Variants in EFCAB5 observed in about 807,000 individuals in gnomAD.
EFCAB5 encodes EF-hand calcium-binding domain-containing protein 5.
Under a neutral mutation model 167.9 loss-of-function variants are expected in EFCAB5, and 131 were observed. The observed-to-expected ratio is 0.78, with a 90% CI of 0.68 to 0.90. The LOEUF (loss-of-function observed/expected upper bound fraction) is 0.90, where lower values mean the gene tolerates loss of function less well. EFCAB5 is among the 40% of genes least tolerant of loss of function. The pLI, the probability that EFCAB5 is intolerant of heterozygous loss-of-function variation, is 0.00. For missense variants in EFCAB5, 1,663 were observed against 1,745.2 expected (o/e 0.95, Z 0.84); for synonymous variants, 574 against 602.8 (o/e 0.95, Z 0.70).
rs191083762 is a variant in EFCAB5 at position 30,026,033 on chromosome 17, G to C, written c.1045-8197G>C. 6.5e-3 allele frequency among the ~76,000 whole-genome samples: 990 copies of C among 151,942 alleles called. 8 individuals carry two copies. The highest frequency in any genetic ancestry group is 0.022 in the African/African-American group (927 of 41,408). ...GGGGATTGTTGTGGGGTGGGCGGAG[G>C]GGGGAGGGATAGCATTAGGAGATAT... On this transcript the variant is annotated intron_variant, in intron 7 of 22. Coordinates refer to ENST00000394835, the MANE Select transcript of EFCAB5 (RefSeq NM_198529.4).
At chr17:29,955,601 A>C (rs1387105013) in intron 3 of EFCAB5, among the ~76,000 whole-genome samples, 1 of 152,170 alleles carries the variant, frequency 6.6e-6, no homozygotes, top group Non-Finnish European at 1.5e-5. Flanking sequence ...AGAGCAGACT[A>C]ATACACCAAG....
intron 22 of EFCAB5, among the ~76,000 whole-genome samples, chr17:30,100,156 C>T (rs2071361740): frequency 6.6e-6 from 1 of 152,092 alleles, no homozygotes; most frequent in South Asian, 2.1e-4. Flanking sequence ...TCTTCATCTG[C>T]TTTATATTTT....
intron 1 of EFCAB5, among the ~76,000 whole-genome samples, chr17:29,932,749 C>T (rs1197028877): frequency 6.6e-6 from 1 of 152,124 alleles, no homozygotes; most frequent in African/African-American, 2.4e-5. Flanking sequence ...TGAGCCCCCG[C>T]ACCCGGCCAT....
In EFCAB5 at chr17:30,055,929, C is replaced by T. The variant is rs1391407383; in HGVS notation, c.2236C>T (p.Pro746Ser). ...AGTTCAGAAAGACAAGCCCTGTGAACCCAAGTCCCAAAAAATAGAAGGAAA... is the reference window on the plus strand; with the variant it reads ...AGTTCAGAAAGACAAGCCCTGTGAATCCAAGTCCCAAAAAATAGAAGGAAA... ...KEVQKDKPCE[P>S]KSQKIEGKSW... The change falls in exon 11 of 23, where the codon CCC (proline) becomes TCC (serine). Residue 746 changes from proline to serine, a missense_variant. Pro to Ser is a moderately conservative substitution (Grantham distance 74). Transcript: ENST00000394835. The T allele has an allele frequency of 6.2e-7, 1 of 1,613,616 alleles. No homozygotes were observed.
chr17:29,996,377 C>T lies in EFCAB5; in HGVS notation c.973+17C>T, dbSNP rs1334665925. The T allele has an allele frequency of 1.3e-6, 2 of 1,533,952 alleles. No individual in the cohort carries two copies. The highest frequency in any genetic ancestry group is 1.8e-6 in the Non-Finnish European group (2 of 1,136,974). On this transcript the variant is annotated intron_variant, in intron 6 of 22. Transcript: ENST00000394835. ...TCAAGCTTGGTAAGTCTGCCTATTACTCTGATATTTTTATTTTTATTTCTT... is the reference window on the plus strand; with the variant it reads ...TCAAGCTTGGTAAGTCTGCCTATTATTCTGATATTTTTATTTTTATTTCTT...
At chr17:30,010,362 G>C (rs2068869537) in intron 7 of EFCAB5, among the ~76,000 whole-genome samples, 1 of 152,170 alleles carries the variant, frequency 6.6e-6, no homozygotes, top group Admixed American at 6.5e-5. Flanking sequence ...TCTAGTTCTA[G>C]ATCCTTGAAG....
chr17:29,980,580 A>G (rs1240913046), intron 4 of EFCAB5, among the ~76,000 whole-genome samples: 1 of 152,122 alleles, frequency 6.6e-6, no homozygotes, highest in Non-Finnish European at 1.5e-5. Context: ...ATGATATCAT[A>G]CTTGTCTAAC....
At chr17:29,982,701 C>T (rs964655559) in intron 4 of EFCAB5, among the ~76,000 whole-genome samples, 33 of 152,276 alleles carry the variant, frequency 2.2e-4, no homozygotes, top group African/African-American at 7.9e-4. Context: ...TCTTCAGTTA[C>T]GTATAGCAAT....
chr17:29,941,721 T>C lies in EFCAB5; in HGVS notation c.-76T>C. 1 of 1,327,484 alleles carries C rather than the reference T, an allele frequency of 7.5e-7. No homozygotes were observed. The highest frequency in any genetic ancestry group is 1.0e-6 in the Non-Finnish European group (1 of 955,744). The allele number at this position is 1,327,484 out of a possible 1,614,324, so 82.2% of individuals were successfully genotyped here. A position where few individuals can be genotyped will look rare whatever the true frequency, so the allele number is the denominator to read the frequency against. On this transcript the variant is annotated 5_prime_UTR_variant, in exon 1 of 23. Transcript: ENST00000394835. ...GAGTACTTTGTGATGTTTATTAATA[T>C]TTTCTTTCTTTTTGTTATTAATACT...
Position 29,941,829 on chromosome 17 carries a change from A to T in EFCAB5, c.33A>T (p.Arg11Ser). The T allele has an allele frequency of 6.2e-7, 1 of 1,604,946 alleles. No individual in the cohort carries two copies. MNESASQEEL[R>S]PAQENRKEDK... ...AGTCAGCATCTCAAGAGGAACTCAG[A>T]CCTGCTCAGGTTCTTGTCCTACATA... Residue 11 changes from arginine to serine, a missense_variant, in exon 1 of 23, where the codon AGA becomes AGT. Coordinates refer to ENST00000394835, the MANE Select transcript of EFCAB5 (RefSeq NM_198529.4).
chr17:30,055,862 T>G (rs1380716033), intron 10 of EFCAB5, 26 bp from the exon 11 acceptor site: 1 of 1,606,354 alleles, frequency 6.2e-7, no homozygotes, highest in African/African-American at 1.3e-5. Context: ...GTCTAATTCA[T>G]AAGCATTTTC....
intron 10 of EFCAB5, among the ~76,000 whole-genome samples, chr17:30,054,816 G>C (rs1444122615): frequency 5.9e-5 from 9 of 152,160 alleles, no homozygotes; most frequent in Admixed American, 5.9e-4. Context: ...GTATGTCCAT[G>C]TTGTCTATGT....
intron 10 of EFCAB5, 83 bp from the exon 11 acceptor site, chr17:30,055,805 C>A (rs2070245179): frequency 1.4e-6 from 2 of 1,419,674 alleles, no homozygotes; most frequent in South Asian, 1.3e-5. Context: ...ATATGCAATG[C>A]ATTTCTATCA....
intron 14 of EFCAB5, among the ~76,000 whole-genome samples, chr17:30,063,598 A>G (rs112604313): frequency 3.7e-4 from 57 of 152,138 alleles, no homozygotes; most frequent in Non-Finnish European, 6.5e-4. Flanking sequence ...TGCCACAGAA[A>G]GCAAACCTGC....
intron 2 of EFCAB5, 131 bp from the exon 3 acceptor site, chr17:29,943,434 A>T: frequency 1.4e-6 from 1 of 697,322 alleles, no homozygotes; most frequent in South Asian, 2.0e-5. Flanking sequence ...ATTAGATCCC[A>T]GAAAAATTAA....
intron 22 of EFCAB5, among the ~76,000 whole-genome samples, chr17:30,098,547 A>C (rs1309313280): frequency 6.6e-6 from 1 of 151,366 alleles, no homozygotes; most frequent in Non-Finnish European, 1.5e-5. Flanking sequence ...AAAAAAAAAA[A>C]AAAACTCCTG....
chr17:30,035,313 T>C (rs1213999466), intron 8 of EFCAB5, among the ~76,000 whole-genome samples: 1 of 152,188 alleles, frequency 6.6e-6, no homozygotes, highest in Non-Finnish European at 1.5e-5. Context: ...CCAATTCGTG[T>C]GCTGTAACAA....
In EFCAB5 at chr17:30,081,575, A is replaced by G. The variant is rs137902525; in HGVS notation, c.3426+594A>G. On this transcript the variant is annotated intron_variant, in intron 17 of 22. Transcript: ENST00000394835. ...TTAATTTATGGATAGAACTTGCAAT[A>G]AAGGAAGATCAAAAGCCTTTATGGA... is the stretch of plus-strand genomic sequence containing the variant. 2.2e-4 allele frequency among the ~76,000 whole-genome samples: 33 copies of G among 152,352 alleles called. No homozygotes were observed. In the East Asian group the frequency reaches 6.0e-3, roughly 28 times the overall value.
At chr17:30,037,581 T>C (rs2069661282) in intron 8 of EFCAB5, among the ~76,000 whole-genome samples, 1 of 152,168 alleles carries the variant, frequency 6.6e-6, no homozygotes, top group Non-Finnish European at 1.5e-5. Context: ...AAAAATAGTT[T>C]TTAATGATAA....
Sources: allele counts gnomAD v4.1 joint callset (sites outside exome capture counted in the v4.1 genomes callset), GRCh38; gene constraint gnomAD v4.1.1; transcripts MANE v1.5; gene names NCBI Gene and HGNC (gene_info 2026-07-23, HGNC 2026-07-21).